The following VWC2L variants were observed in gnomAD, a reference collection of about 807,000 sequenced individuals.
The protein encoded by VWC2L is von Willebrand factor C domain-containing protein 2-like.
Under a neutral mutation model 21.6 loss-of-function variants are expected in VWC2L, and 10 were observed. That is an observed-to-expected ratio of 0.46 (90% CI 0.29 to 0.78). The LOEUF (loss-of-function observed/expected upper bound fraction) is 0.78, where lower values mean the gene tolerates loss of function less well. Among genes scored for constraint, VWC2L ranks in the 30% least tolerant of loss-of-function variants. The pLI, the probability that VWC2L is intolerant of heterozygous loss-of-function variation, is 0.10. For synonymous variants in VWC2L, 96 were observed against 94.3 expected, an observed-to-expected ratio of 1.02 and a Z score of -0.10; for missense variants, 209 against 277.1, an observed-to-expected ratio of 0.75 and a Z score of 1.74.
chr2:214,556,046 G>A (rs1362657540), intron 3 of VWC2L, among the ~76,000 whole-genome samples: 1 of 152,094 alleles, frequency 6.6e-6, no homozygotes, highest in Admixed American at 6.6e-5. Flanking sequence ...AGCACATCAA[G>A]TCTCGGCAGA....
At chr2:214,473,381 A>C (rs568010870) in intron 3 of VWC2L, among the ~76,000 whole-genome samples, 1 of 152,302 alleles carries the variant, frequency 6.6e-6, no homozygotes, top group African/African-American at 2.4e-5. Context: ...ATAAAGGCCT[A>C]AATAGGTGTT....
intron 3 of VWC2L, among the ~76,000 whole-genome samples, chr2:214,462,376 C>T (rs757393181): frequency 1.3e-5 from 2 of 152,224 alleles, no homozygotes; most frequent in Non-Finnish European, 2.9e-5. Flanking sequence ...GCCTGGCCAA[C>T]TGCCTCATTT....
chr2:214,526,393 C>A (rs1689338184), intron 3 of VWC2L, among the ~76,000 whole-genome samples: 1 of 152,062 alleles, frequency 6.6e-6, no homozygotes, highest in Admixed American at 6.6e-5. Flanking sequence ...CTGCTCACAC[C>A]TCCCCATATT....
At chr2:214,553,088 T>C (rs2105925930) in intron 3 of VWC2L, among the ~76,000 whole-genome samples, 1 of 152,282 alleles carries the variant, frequency 6.6e-6, no homozygotes, top group Non-Finnish European at 1.5e-5. Context: ...TCTTCTCCAT[T>C]CTTACTGCCA....
chr2:214,474,796 C>T (rs1688480458), intron 3 of VWC2L, among the ~76,000 whole-genome samples: 1 of 152,096 alleles, frequency 6.6e-6, no homozygotes, highest in South Asian at 2.1e-4. Flanking sequence ...ATGTAAAATG[C>T]TCCACATAGT....
chr2:214,567,373 A>C (rs554628117), intron 3 of VWC2L, among the ~76,000 whole-genome samples: 1 of 152,226 alleles, frequency 6.6e-6, no homozygotes, highest in Admixed American at 6.5e-5. Flanking sequence ...GCCTTCCAAG[A>C]TAATTGCTAG....
At chr2:214,567,575 C>CAGAGAGAGAGAGAG (rs1451478991) in intron 3 of VWC2L, among the ~76,000 whole-genome samples, 3 of 127,784 alleles carry the variant, frequency 2.3e-5, no homozygotes, top group African/African-American at 9.3e-5. Context: ...CACACACACA[C>CAGAGAGAGAGAGAG]ACACACACAC....
In VWC2L at chr2:214,414,596, C is replaced by T. The variant is rs758465523; in HGVS notation, c.390+13C>T. The stretch of plus-strand genomic sequence containing the variant: ...GGAGGAATTTAAGGTATGCGTTACC[C>T]TCCATATTTATTGAAATATCAACTT... On this transcript the variant is annotated intron_variant, in intron 2 of 3. Coordinates refer to ENST00000312504, the MANE Select transcript of VWC2L (RefSeq NM_001080500.4). 3 of 1,601,452 alleles carry T rather than the reference C, an allele frequency of 1.9e-6. No individual in the cohort carries two copies. The highest frequency in any genetic ancestry group is 2.2e-5 in the South Asian group (2 of 89,028).
intron 3 of VWC2L, among the ~76,000 whole-genome samples, chr2:214,574,029 C>A (rs1297539913): frequency 2.0e-5 from 3 of 152,200 alleles, no homozygotes; most frequent in African/African-American, 4.8e-5. Flanking sequence ...GTAGTCCCAG[C>A]TACCTGGGAG....
At chr2:214,550,152 G>A (rs552568371) in intron 3 of VWC2L, among the ~76,000 whole-genome samples, 1 of 152,128 alleles carries the variant, frequency 6.6e-6, no homozygotes, top group East Asian at 1.9e-4. Flanking sequence ...AAATGCTCCA[G>A]AAAGAACAAT....
intron 3 of VWC2L, among the ~76,000 whole-genome samples, chr2:214,453,077 A>G (rs893264069): frequency 2.0e-5 from 3 of 152,178 alleles, no homozygotes; most frequent in African/African-American, 7.2e-5. Context: ...TAATTATAAT[A>G]AAGTATAATT....
intron 3 of VWC2L, among the ~76,000 whole-genome samples, chr2:214,551,840 A>G (rs989526671): frequency 6.6e-6 from 1 of 152,230 alleles, no homozygotes; most frequent in Non-Finnish European, 1.5e-5. Flanking sequence ...CCAAGCTGTC[A>G]GTGATACCCA....
At chr2:214,557,932 C>T (rs567763618) in intron 3 of VWC2L, among the ~76,000 whole-genome samples, 1 of 152,336 alleles carries the variant, frequency 6.6e-6, no homozygotes, top group South Asian at 2.1e-4. Context: ...CCTCCCTCTG[C>T]ACTGTCTCTT....
At chr2:214,450,141 G>A (rs1349669249) in intron 3 of VWC2L, among the ~76,000 whole-genome samples, 4 of 152,148 alleles carry the variant, frequency 2.6e-5, no homozygotes, top group East Asian at 1.9e-4. Flanking sequence ...ACTCCTTTGC[G>A]AATGGGGAAA....
At chr2:214,566,869 T>C (rs1215824439) in intron 3 of VWC2L, among the ~76,000 whole-genome samples, 1 of 152,202 alleles carries the variant, frequency 6.6e-6, no homozygotes, top group African/African-American at 2.4e-5. Flanking sequence ...AAATCCTATT[T>C]GATTTTTCAT....
At chr2:214,492,296 G>A (rs1175304181) in intron 3 of VWC2L, among the ~76,000 whole-genome samples, 2 of 152,166 alleles carry the variant, frequency 1.3e-5, no homozygotes, top group African/African-American at 2.4e-5. Context: ...GGGATGCACC[G>A]CACTCAGAGT....
intron 3 of VWC2L, among the ~76,000 whole-genome samples, chr2:214,553,109 G>T (rs1319106595): frequency 2.0e-5 from 3 of 152,040 alleles, no homozygotes; most frequent in African/African-American, 7.3e-5. Flanking sequence ...CTAGTTCAAC[G>T]TGGTCCTTCC....
chr2:214,414,105 T>C lies in VWC2L; in HGVS notation c.-80-9T>C. 7.3e-7 allele frequency: 1 copy of C among 1,378,488 alleles called. No individual in the cohort carries two copies. The highest frequency in any genetic ancestry group is 9.8e-7 in the Non-Finnish European group (1 of 1,017,708). 85.4% of individuals were successfully genotyped at this position (1,378,488 alleles called of 1,614,324 possible). The stretch of plus-strand genomic sequence containing the variant: ...TGTCAAATTATTCTTTTTAAATATT[T>C]ATTTTCAGCCTACCCCTCTTGTATT... On this transcript the variant is annotated splice_polypyrimidine_tract_variant and intron_variant, in intron 1 of 3. Coordinates refer to ENST00000312504, the MANE Select transcript of VWC2L (RefSeq NM_001080500.4).
At chr2:214,517,736 TG>T (rs1279465636) in intron 3 of VWC2L, among the ~76,000 whole-genome samples, 1 of 152,070 alleles carries the variant, frequency 6.6e-6, no homozygotes, top group African/African-American at 2.4e-5. Context: ...TGTAAAATAA[TG>T]GTGATAATAC....
Sources: gnomAD v4.1 joint callset for allele counts (sites outside exome capture counted in the v4.1 genomes callset) on GRCh38, gnomAD v4.1.1 for gene constraint, MANE v1.5 for transcripts, NCBI Gene and HGNC (gene_info 2026-07-23, HGNC 2026-07-21) for gene names.